The following STAT5A variants were observed in gnomAD, a reference collection of about 807,000 sequenced individuals.
STAT5A encodes the protein signal transducer and activator of transcription 5A.
In STAT5A, 26 loss-of-function variants were observed where a neutral mutation model predicts 100.2. That is an observed-to-expected ratio of 0.26 (90% CI 0.19 to 0.36). The LOEUF (loss-of-function observed/expected upper bound fraction) is 0.36. Ranked by LOEUF, STAT5A falls within the 10% of genes least tolerant of loss-of-function variation. The probability of loss-of-function intolerance (pLI) is 1.00; values close to 1 mark genes in which losing one functional copy is unlikely to be tolerated. For synonymous variants in STAT5A, 330 were observed against 424.3 expected, an observed-to-expected ratio of 0.78 and a Z score of 2.73; for missense variants, 634 against 1,027.5, an observed-to-expected ratio of 0.62 and a Z score of 5.24.
intron 18 of STAT5A, chr17:42,309,743 G>A (rs755075327): frequency 9.8e-6 from 4 of 409,256 alleles, no homozygotes; most frequent in East Asian, 4.2e-5. Context: ...TAAAACGGAG[G>A]CAAGAATGCT....
rs1222562484 is a variant in STAT5A, at chr17:42,288,695, G to T, written c.-11+97G>T. The T allele has an allele frequency of 6.6e-6, 1 of 152,266 alleles. No homozygotes were observed. Among genetic ancestry groups the T allele is most frequent in the Admixed American group, 6.5e-5 (1 of 15,290 alleles). The allele number at this position is 152,266 out of a possible 1,614,324, so 9.4% of individuals were successfully genotyped here. On this transcript the variant is annotated intron_variant, in intron 1 of 18. Coordinates refer to ENST00000590949, the MANE Select transcript of STAT5A (RefSeq NM_001288718.2). This position sits in a 1 kb window ranked among gnomAD's most constrained non-coding sequence, Gnocchi z 4.8. ...GGCACCCGGAGCTCGACGGCCGGGCGCAGCGCGGGGATCAGTCCCCGGCAC... is the reference window on the plus strand; with the variant it reads ...GGCACCCGGAGCTCGACGGCCGGGCTCAGCGCGGGGATCAGTCCCCGGCAC...
intron 4 of STAT5A, among the ~76,000 whole-genome samples, chr17:42,294,957 G>T (rs1037635292): frequency 5.9e-5 from 9 of 151,726 alleles, no homozygotes; most frequent in Admixed American, 4.6e-4. Flanking sequence ...GAGTGCAGTG[G>T]CGCAATCTCG....
In STAT5A at chr17:42,311,730, G is replaced by A. The variant is rs2144573704; in HGVS notation, c.*1061G>A. ...CTTGCGCTGTTGCGTAACTGGCTGT[G>A]TTCTGGTGAGGCCTTGCTCCCAACC... On this transcript the variant is annotated 3_prime_UTR_variant, in exon 19 of 19. Transcript: ENST00000590949. The A allele has an allele frequency of 1.3e-5, 2 of 152,788 alleles. No homozygotes were observed. The highest frequency in any genetic ancestry group is 1.9e-4 in the East Asian group (1 of 5,200). The allele number at this position is 152,788 out of a possible 1,614,324, so 9.5% of individuals were successfully genotyped here.
At position 42,288,785 on chromosome 17, in the gene STAT5A, A is replaced by G. The variant is rs1346704096; in HGVS notation, c.-11+187A>G. 6.6e-6 allele frequency among the ~76,000 whole-genome samples: 1 copy of G among 152,134 alleles called. No homozygotes were observed. The highest frequency in any genetic ancestry group is 2.4e-5 in the African/African-American group (1 of 41,430). On this transcript the variant is annotated intron_variant, in intron 1 of 18. Transcript: ENST00000590949. This position sits in a 1 kb window ranked among gnomAD's most constrained non-coding sequence, Gnocchi z 4.8. ...ACGTGGGGACAGGGGTCGGGGATGA[A>G]AGGCAGAGGCCAGGGAGGGCGCCGT... is the stretch of plus-strand genomic sequence containing the variant.
chr17:42,309,696 T>C, intron 18 of STAT5A: 1 of 488,556 alleles, frequency 2.0e-6, no homozygotes, highest in South Asian at 3.8e-5. Context: ...CTTGGGAAAA[T>C]GATTGAGCCT....
At chr17:42,305,483 C>T (rs1598364870) in intron 11 of STAT5A, 127 bp from the exon 12 acceptor site, 1 of 732,670 alleles carries the variant, frequency 1.4e-6, no homozygotes, top group East Asian at 2.8e-5. Flanking sequence ...GCCTGGGCAA[C>T]AAGAGTGAAA....
At chr17:42,301,251 T>C (rs775752455) in intron 8 of STAT5A, 24 bp from the exon 9 acceptor site, 1 of 1,608,044 alleles carries the variant, frequency 6.2e-7, no homozygotes. Context: ...CCTCATCGTG[T>C]GTCTGTCCCT....
chr17:42,289,237 C>G, intron 1 of STAT5A, 165 bp from the exon 2 acceptor site: 1 of 730,510 alleles, frequency 1.4e-6, no homozygotes, highest in Non-Finnish European at 2.0e-6. Context: ...ATGGGCGGCC[C>G]TCCACTCCTC....
At position 42,304,293 on chromosome 17, in the gene STAT5A, C is replaced by T. The variant is rs1281626675; in HGVS notation, c.1170-49C>T. 2 of 1,585,610 alleles carry T rather than the reference C, an allele frequency of 1.3e-6. No homozygotes were observed. Among genetic ancestry groups the T allele is most frequent in the South Asian group, 1.1e-5 (1 of 90,388 alleles). On this transcript the variant is annotated intron_variant, in intron 9 of 18. Transcript: ENST00000590949. This position sits in a 1 kb window ranked among gnomAD's most constrained non-coding sequence, Gnocchi z 4.8. The stretch of plus-strand genomic sequence containing the variant: ...AGCCCGAGGTGTGGACAGGACCATG[C>T]TCCTGGCCTGGGGCCCATGTGGAGC...
rs2081012314 is a variant in STAT5A at position 42,304,721 on chromosome 17, ACTCCTGGCAGCAATGC to A, written c.1380+71_1380+86del. The A allele has an allele frequency of 1.3e-6, 2 of 1,595,326 alleles. No individual in the cohort carries two copies. Among genetic ancestry groups the A allele is most frequent in the East Asian group, 2.2e-5 (1 of 44,782 alleles). ...AAGAGGTGGAGGGGCCTGCCTCAGGACTCCTGGCAGCAATGCCATCGGACAGCCTGCTTTGACTCTG... is the reference window on the plus strand; with the variant it reads ...AAGAGGTGGAGGGGCCTGCCTCAGGACATCGGACAGCCTGCTTTGACTCTG... On this transcript the variant is annotated intron_variant, in intron 11 of 18. Coordinates refer to ENST00000590949, the MANE Select transcript of STAT5A (RefSeq NM_001288718.2). This position sits in a 1 kb window ranked among gnomAD's most constrained non-coding sequence, Gnocchi z 4.8.
chr17:42,302,608 G>C (rs2080991971), intron 9 of STAT5A, among the ~76,000 whole-genome samples: 1 of 152,218 alleles, frequency 6.6e-6, no homozygotes. Context: ...TGATGTGGAA[G>C]ACATGGCCCC....
chr17:42,296,018 T>C (rs2080915026), intron 5 of STAT5A, among the ~76,000 whole-genome samples: 1 of 152,010 alleles, frequency 6.6e-6, no homozygotes, highest in African/African-American at 2.4e-5. Context: ...AGTTGTGTTA[T>C]CCCCCCTTTT....
At chr17:42,296,324 G>T (rs1169646451) in intron 5 of STAT5A, among the ~76,000 whole-genome samples, 4 of 152,132 alleles carry the variant, frequency 2.6e-5, no homozygotes, top group Non-Finnish European at 5.9e-5. Context: ...GTGGGCCTGG[G>T]GGAAGGGGTG....
chr17:42,296,772 G>A (rs1008317056), intron 5 of STAT5A, among the ~76,000 whole-genome samples: 10 of 152,028 alleles, frequency 6.6e-5, no homozygotes, highest in Non-Finnish European at 1.3e-4. Context: ...CGCATAGCTG[G>A]GACTACAGGT....
chr17:42,296,773 G>C (rs1040685148), intron 5 of STAT5A, among the ~76,000 whole-genome samples: 10 of 152,124 alleles, frequency 6.6e-5, no homozygotes, highest in Non-Finnish European at 1.3e-4. Context: ...GCATAGCTGG[G>C]ACTACAGGTG....
At chr17:42,306,569 A>C in intron 13 of STAT5A, 122 bp downstream of exon 13, 1 of 1,453,266 alleles carries the variant, frequency 6.9e-7, no homozygotes, top group Non-Finnish European at 9.4e-7. Flanking sequence ...ACTCTCTCCT[A>C]CAACCAGGAG....
rs2081044118 is a variant in STAT5A at position 42,307,794 on chromosome 17, C to A, written c.1906+71C>A. ...TTGTTCCCTTGCCCCGCCACCCCAC[C>A]CTCCATCGGGCCTGTGTCCTTAGAA... On this transcript the variant is annotated intron_variant, in intron 15 of 18. Transcript: ENST00000590949. 3.2e-6 allele frequency: 5 copies of A among 1,577,886 alleles called. No homozygotes were observed. The Admixed American group carries it at 8.6e-5, about 27-fold the overall frequency.
At chr17:42,306,736 T>A (rs1418998583) in intron 13 of STAT5A, among the ~76,000 whole-genome samples, 1 of 151,928 alleles carries the variant, frequency 6.6e-6, no homozygotes, top group Non-Finnish European at 1.5e-5. Context: ...TTTTTTTTTT[T>A]AGAGACAGAA....
Position 42,289,462 on chromosome 17 carries a change from G to C in STAT5A, c.51G>C (p.Gln17His). Residue 17 changes from glutamine (Q) to histidine (H), a missense_variant, in exon 2 of 19, where the codon CAG becomes CAC. By Grantham distance (24) the Gln-to-His change is conservative. Around this residue, in one of 5 missense-constraint regions of STAT5A, gnomAD observed 207 missense variants for 256.6 expected, o/e 0.81. Transcript: ENST00000590949. The part of the protein sequence containing the change: ...AQQLQGDALR[Q>H]MQVLYGQHFP... ...AGCTGCAGGGAGACGCGCTGCGCCA[G>C]ATGCAGGTGCTGTACGGCCAGCACT... 1 of 1,613,096 alleles carries C rather than the reference G, an allele frequency of 6.2e-7. No individual in the cohort carries two copies. The highest frequency in any genetic ancestry group is 8.5e-7 in the Non-Finnish European group (1 of 1,179,922).
Sources: gnomAD v4.1 joint callset for allele counts (sites outside exome capture counted in the v4.1 genomes callset) on GRCh38, gnomAD v4.1.1 for gene constraint, gnomAD v4.1.1 regional missense constraint, Gnocchi (gnomAD v3.1) non-coding constraint, MANE v1.5 for transcripts, NCBI Gene and HGNC (gene_info 2026-07-23, HGNC 2026-07-21) for gene names.